INSR: variants seen among roughly 807,000 people sequenced by gnomAD.
The protein encoded by INSR is insulin receptor.
INSR carries 67 observed loss-of-function variants against 142.6 expected under a neutral mutation model. The observed-to-expected ratio is 0.47, with a 90% CI of 0.39 to 0.58. The LOEUF is 0.58. Ranked by LOEUF, INSR falls within the 20% of genes least tolerant of loss-of-function variation. INSR has a pLI of 0.00. For missense variants in INSR, 1,248 were observed against 1,833.2 expected, an observed-to-expected ratio of 0.68 and a Z score of 5.83; for synonymous variants, 756 against 743.1, an observed-to-expected ratio of 1.02 and a Z score of -0.28.
intron 6 of INSR, among the ~76,000 whole-genome samples, chr19:7,169,005 A>T (rs1973951875): frequency 6.6e-6 from 1 of 152,248 alleles, no homozygotes; most frequent in African/African-American, 2.4e-5. Context: ...TGCAGTCAGC[A>T]GGCAGCCTGC....
intron 2 of INSR, among the ~76,000 whole-genome samples, chr19:7,188,428 C>T (rs1272333855): frequency 1.3e-5 from 2 of 151,072 alleles, no homozygotes; most frequent in East Asian, 3.9e-4. Flanking sequence ...CGCCTGTAAT[C>T]CCAGCTACTC....
Position 7,201,745 on chromosome 19 carries a change from C to T in INSR, c.653-17108G>A, listed in dbSNP as rs1210595572. On this transcript the variant is annotated intron_variant, in intron 2 of 21. Coordinates refer to ENST00000302850, the MANE Select transcript of INSR (RefSeq NM_000208.4). ...TGGCGCGATCTCGGCTCACGGCAAGCTCCCCCTCCCGGGTTCACGCCATTC... is the reference window on the plus strand; with the variant it reads ...TGGCGCGATCTCGGCTCACGGCAAGTTCCCCCTCCCGGGTTCACGCCATTC... 3.4e-5 allele frequency among the ~76,000 whole-genome samples: 5 copies of T among 145,106 alleles called. No homozygotes were observed. In the East Asian group the frequency reaches 8.0e-4, roughly 23 times the overall value.
rs1448423672 is a variant in INSR, at chr19:7,267,226, C to T, written c.652+119G>A. The T allele has an allele frequency of 4.8e-6, 5 of 1,035,228 alleles. No individual in the cohort carries two copies. The highest frequency in any genetic ancestry group is 1.9e-5 in the Admixed American group (1 of 52,782). 64.1% of individuals were successfully genotyped at this position (1,035,228 alleles called of 1,614,324 possible). A position where few individuals can be genotyped will look rare whatever the true frequency, so the allele number is the denominator to read the frequency against. On this transcript the variant is annotated intron_variant, in intron 2 of 21. Coordinates refer to ENST00000302850, the MANE Select transcript of INSR (RefSeq NM_000208.4). The surrounding 1 kb of genome is among the most constrained non-coding windows in gnomAD (Gnocchi z 6.3). ...CACTCCCTGGGCTAGTGAATGCCAC[C>T]ACCCACTATTCCCCGGCCCCTACCT...
At chr19:7,219,046 C>T (rs572181231) in intron 2 of INSR, among the ~76,000 whole-genome samples, 3 of 152,304 alleles carry the variant, frequency 2.0e-5, no homozygotes, top group South Asian at 2.1e-4. Context: ...ATGAACCATT[C>T]GCTCTTCTGT....
chr19:7,197,516 G>GTGGGGGTGTGTGTGTGTGTGTGTGTGTGT, intron 2 of INSR, among the ~76,000 whole-genome samples: 2 of 70,924 alleles, frequency 2.8e-5, no homozygotes, highest in African/African-American at 1.2e-4. Flanking sequence ...TGGGAGTGGG[G>GTGGGGGTGTGTGTGTGTGTGTGTGTGTGT]GTGTGTGTGT....
At chr19:7,154,465 G>C (rs1256927383) in intron 9 of INSR, among the ~76,000 whole-genome samples, 1 of 149,696 alleles carries the variant, frequency 6.7e-6, no homozygotes, top group Non-Finnish European at 1.5e-5. Flanking sequence ...GCCACGCCCG[G>C]CTAATTTGTT....
At position 7,267,899 on chromosome 19, in the gene INSR, A is replaced by G; in HGVS notation, c.101-3T>C. The G allele has an allele frequency of 3.7e-6, 6 of 1,612,544 alleles. No homozygotes were observed. The highest frequency in any genetic ancestry group is 5.1e-6 in the Non-Finnish European group (6 of 1,179,250). On this transcript the variant is annotated splice_polypyrimidine_tract_variant and splice_region_variant and intron_variant, in intron 1 of 21. Transcript: ENST00000302850. The surrounding 1 kb of genome is among the most constrained non-coding windows in gnomAD (Gnocchi z 6.3). Reference sequence around the variant, plus strand: ...CCGGATATCCATGCCGGGACACACTACAAGAGAAAATGAACAGAAAGCAAG... The same window carrying G: ...CCGGATATCCATGCCGGGACACACTGCAAGAGAAAATGAACAGAAAGCAAG...
At chr19:7,172,681 T>C (rs1974045898) in intron 4 of INSR, among the ~76,000 whole-genome samples, 1 of 152,092 alleles carries the variant, frequency 6.6e-6, no homozygotes, top group African/African-American at 2.4e-5. Context: ...TATATCTCCT[T>C]GGCTTGTTCC....
chr19:7,202,798 GC>G (rs1975000352), intron 2 of INSR, among the ~76,000 whole-genome samples: 1 of 152,188 alleles, frequency 6.6e-6, no homozygotes, highest in African/African-American at 2.4e-5. Context: ...ATGGTGCCCA[GC>G]CCTTTTCGGT....
chr19:7,238,828 G>C (rs549474800), intron 2 of INSR, among the ~76,000 whole-genome samples: 1 of 151,758 alleles, frequency 6.6e-6, no homozygotes, highest in East Asian at 1.9e-4. Flanking sequence ...ATCAGGAAGG[G>C]GTGGGCTTCC....
chr19:7,157,430 T>TGTA (rs1175461261), intron 9 of INSR, among the ~76,000 whole-genome samples: 1 of 149,192 alleles, frequency 6.7e-6, no homozygotes, highest in Non-Finnish European at 1.5e-5. Context: ...TTGTATTTTT[T>TGTA]TTTTTTTTTT....
chr19:7,257,356 C>G (rs1256553724), intron 2 of INSR, among the ~76,000 whole-genome samples: 1 of 151,926 alleles, frequency 6.6e-6, no homozygotes, highest in African/African-American at 2.4e-5. Context: ...TCAATATTCC[C>G]TGTTATCTAG....
intron 12 of INSR, among the ~76,000 whole-genome samples, chr19:7,142,389 CAAAAAA>C (rs34453877): frequency 1.7e-4 from 7 of 42,140 alleles, no homozygotes; most frequent in East Asian, 1.0e-3. Flanking sequence ...GACTTCATCT[CAAAAAA>C]AAAAAAAAAA....
intron 1 of INSR, among the ~76,000 whole-genome samples, chr19:7,277,521 G>A (rs55935107): frequency 0.057 from 8,738 of 152,222 alleles, 848 homozygotes; most frequent in African/African-American, 0.2. Flanking sequence ...GATGTTGGCC[G>A]GGTGCAGTGG....
intron 9 of INSR, among the ~76,000 whole-genome samples, chr19:7,155,316 C>G (rs1000068782): frequency 1.3e-5 from 2 of 152,098 alleles, no homozygotes; most frequent in African/African-American, 4.8e-5. Flanking sequence ...AGGAGGATCA[C>G]TTGAGGTCAG....
At chr19:7,232,713 G>A (rs968238273) in intron 2 of INSR, among the ~76,000 whole-genome samples, 7 of 151,830 alleles carry the variant, frequency 4.6e-5, no homozygotes, top group Non-Finnish European at 8.8e-5. Context: ...GGGAGGCTGA[G>A]GCAGGAGAAT....
intron 3 of INSR, among the ~76,000 whole-genome samples, chr19:7,183,622 A>T (rs996194165): frequency 3.9e-5 from 6 of 152,204 alleles, no homozygotes; most frequent in Non-Finnish European, 5.9e-5. Flanking sequence ...GACACGAAAG[A>T]CCTTGGTATA....
At chr19:7,233,912 G>A (rs191422243) in intron 2 of INSR, among the ~76,000 whole-genome samples, 91 of 151,202 alleles carry the variant, frequency 6.0e-4, no homozygotes, top group Non-Finnish European at 9.3e-4. Context: ...TCCTGATCTC[G>A]TGATGTGCCC....
chr19:7,178,591 T>G (rs1974199957), intron 3 of INSR, among the ~76,000 whole-genome samples: 1 of 152,088 alleles, frequency 6.6e-6, no homozygotes, highest in Non-Finnish European at 1.5e-5. Flanking sequence ...TGATGGTGCA[T>G]GCCTGTAGTC....
Sources: allele counts gnomAD v4.1 joint callset (sites outside exome capture counted in the v4.1 genomes callset), GRCh38; gene constraint gnomAD v4.1.1; non-coding constraint Gnocchi (gnomAD v3.1); transcripts MANE v1.5; gene names NCBI Gene and HGNC (gene_info 2026-07-23, HGNC 2026-07-21).